Variants in PHTF1 observed in about 807,000 individuals in gnomAD.
The protein encoded by PHTF1 is putative homeodomain transcription factor 1.
In PHTF1, 88 loss-of-function variants were observed where a neutral mutation model predicts 102.4. The ratio of observed to expected loss-of-function variants is 0.86; its 90% confidence interval spans 0.72 to 1.03. The LOEUF is 1.03. Ranked by LOEUF, PHTF1 falls within the 50% of genes least tolerant of loss-of-function variation. PHTF1 has a pLI of 0.00. For missense variants in PHTF1, 814 were observed against 909.5 expected (o/e 0.89, Z 1.35); for synonymous variants, 289 against 305.2 (o/e 0.95, Z 0.55).
upstream of PHTF1, chr1:113,759,574 C>A (rs1487958776): frequency 1.3e-5 from 2 of 152,488 alleles, no homozygotes; most frequent in Admixed American, 1.3e-4. Flanking sequence ...GTGGCTCCGC[C>A]CCTGGCCCGG....
intron 3 of PHTF1, among the ~76,000 whole-genome samples, chr1:113,742,807 A>AT (rs1488953799): frequency 6.6e-6 from 1 of 152,106 alleles, no homozygotes; most frequent in Non-Finnish European, 1.5e-5. Flanking sequence ...TAGGCTACAC[A>AT]TTTTTTAAAA....
Position 113,749,322 on chromosome 1 carries a change from C to A in PHTF1, c.102+8377G>T, listed in dbSNP as rs1437943045. On this transcript the variant is annotated intron_variant, in intron 3 of 18. Coordinates refer to ENST00000369604, the MANE Select transcript of PHTF1 (RefSeq NM_001323043.2). Reference sequence around the variant, plus strand: ...CTGAATGCAAGCTCAGTGTGCAATGCGTGAAGCATTTTGAATAGTGGACCT... The same window carrying A: ...CTGAATGCAAGCTCAGTGTGCAATGAGTGAAGCATTTTGAATAGTGGACCT... Among the ~76,000 whole-genome samples the A allele has an allele frequency of 2.0e-5, 3 of 152,164 alleles. No individual in the cohort carries two copies. In the East Asian group the frequency reaches 5.8e-4, roughly 29 times the overall value.
Position 113,726,834 on chromosome 1 carries a change from A to G in PHTF1, c.332-260T>C, listed in dbSNP as rs115887722. Reference sequence around the variant, plus strand: ...ATTTAGATATTTCAAAAGGGTTTCCACCACAAAAACAACTAGATGCTGTAT... The same window carrying G: ...ATTTAGATATTTCAAAAGGGTTTCCGCCACAAAAACAACTAGATGCTGTAT... On this transcript the variant is annotated intron_variant, in intron 5 of 18. Transcript: ENST00000369604. Among the ~76,000 whole-genome samples, 401 of 152,300 alleles carry G rather than the reference A, an allele frequency of 2.6e-3. 1 individual carries two copies. The highest frequency in any genetic ancestry group is 9.1e-3 in the African/African-American group (378 of 41,562).
chr1:113,756,750 A>G (rs758982229), intron 3 of PHTF1, among the ~76,000 whole-genome samples: 2 of 152,176 alleles, frequency 1.3e-5, no homozygotes. Flanking sequence ...CTCCCCTATT[A>G]TAAGTTAATA....
At chr1:113,756,064 C>G (rs1338055158) in intron 3 of PHTF1, among the ~76,000 whole-genome samples, 1 of 134,350 alleles carries the variant, frequency 7.4e-6, no homozygotes, top group Non-Finnish European at 1.6e-5. Context: ...GAGACTCTGT[C>G]TCAAAAAAAA....
At chr1:113,726,112 G>T (rs1329246112) in intron 6 of PHTF1, among the ~76,000 whole-genome samples, 2 of 152,054 alleles carry the variant, frequency 1.3e-5, no homozygotes, top group Non-Finnish European at 2.9e-5. Flanking sequence ...GATTAAGACT[G>T]AATTTCAAAG....
At chr1:113,698,618 T>TACACACAC (rs766015256) in intron 17 of PHTF1, among the ~76,000 whole-genome samples, 40 of 115,840 alleles carry the variant, frequency 3.5e-4, no homozygotes, top group African/African-American at 9.8e-4. Context: ...TATATATATA[T>TACACACAC]ATACACACAC....
At chr1:113,745,661 T>G (rs144740973) in intron 3 of PHTF1, among the ~76,000 whole-genome samples, 1 of 152,126 alleles carries the variant, frequency 6.6e-6, no homozygotes, top group East Asian at 1.9e-4. Context: ...GTCAGATGAG[T>G]GGCGGCATTA....
intron 11 of PHTF1, 40 bp downstream of exon 11, chr1:113,710,214 C>T: frequency 7.0e-7 from 1 of 1,420,256 alleles, no homozygotes; most frequent in Non-Finnish European, 9.9e-7. Flanking sequence ...ACAGTAAGAA[C>T]ACAATAAATA....
In PHTF1 at chr1:113,713,158, T is replaced by C. The variant is rs573195279; in HGVS notation, c.783+121A>G. On this transcript the variant is annotated intron_variant, in intron 8 of 18. Transcript: ENST00000369604. ...GGTATCTTCTTTTCATATCCTGTGG[T>C]TTTACTTGTTAGGACAAATTTATAA... 1.4e-4 allele frequency: 114 copies of C among 836,946 alleles called. 1 individual carries two copies. In the African/African-American group the frequency reaches 1.7e-3, roughly 13 times the overall value. 51.8% of individuals were successfully genotyped at this position (836,946 alleles called of 1,614,324 possible).
At chr1:113,738,383 G>C in intron 4 of PHTF1, 115 bp from the exon 5 acceptor site, 1 of 682,634 alleles carries the variant, frequency 1.5e-6, no homozygotes, top group South Asian at 2.4e-5. Flanking sequence ...AACCTGTTCA[G>C]TTAAAAAAAA....
chr1:113,754,625 C>T (rs1052537012), intron 3 of PHTF1, among the ~76,000 whole-genome samples: 2 of 151,972 alleles, frequency 1.3e-5, no homozygotes, highest in African/African-American at 4.8e-5. Context: ...CATTGTAAAC[C>T]TTCCTAGTCA....
chr1:113,738,610 T>C (rs1655879655), intron 4 of PHTF1, 120 bp downstream of exon 4: 2 of 668,214 alleles, frequency 3.0e-6, no homozygotes, highest in Admixed American at 2.8e-5. Flanking sequence ...GCCTGAATGA[T>C]GAGAGTAAAG....
At chr1:113,758,348 C>T (rs1315333547) in intron 2 of PHTF1, among the ~76,000 whole-genome samples, 1 of 151,592 alleles carries the variant, frequency 6.6e-6, no homozygotes, top group African/African-American at 2.4e-5. Flanking sequence ...TCAATCTGAG[C>T]TGTGCACATA....
chr1:113,743,506 ACAATT>A (rs1656741637), intron 3 of PHTF1, among the ~76,000 whole-genome samples: 1 of 152,212 alleles, frequency 6.6e-6, no homozygotes, highest in African/African-American at 2.4e-5. Flanking sequence ...CTAAAATTAA[ACAATT>A]CAAAGTATAG....
Position 113,759,075 on chromosome 1 carries a change from C to CG in PHTF1, c.-84dup. ...GCCCGGGACCTCCGTCCTCAGTGCC[C>CG]GGGGTCCCACCGTGAGGCCGGGGGC... On this transcript the variant is annotated 5_prime_UTR_variant, in exon 1 of 19. The change abolishes the stop of an existing upstream ORF in the 5' untranslated region. Transcript: ENST00000369604. 10 of 996,980 alleles carry CG rather than the reference C, an allele frequency of 1.0e-5. No homozygotes were observed. The highest frequency in any genetic ancestry group is 1.2e-5 in the Non-Finnish European group (10 of 837,930). 61.8% of individuals were successfully genotyped at this position (996,980 alleles called of 1,614,324 possible).
intron 18 of PHTF1, 49 bp from the exon 19 acceptor site, chr1:113,697,774 G>A (rs199620052): frequency 7.7e-7 from 1 of 1,295,590 alleles, no homozygotes; most frequent in African/African-American, 1.5e-5. Flanking sequence ...AAAACCAGGT[G>A]GGATTTATAG....
chr1:113,701,232 T>C (rs1381029713), intron 15 of PHTF1, among the ~76,000 whole-genome samples: 2 of 152,198 alleles, frequency 1.3e-5, no homozygotes, highest in East Asian at 1.9e-4. Flanking sequence ...TAACTATCAG[T>C]GTGTCCACTC....
intron 3 of PHTF1, among the ~76,000 whole-genome samples, chr1:113,748,686 G>A (rs570787865): frequency 1.3e-5 from 2 of 151,806 alleles, no homozygotes; most frequent in Non-Finnish European, 2.9e-5. Context: ...GGCATGCAAC[G>A]CCAAGCCCAG....
Sources: allele counts gnomAD v4.1 joint callset (sites outside exome capture counted in the v4.1 genomes callset), GRCh38; gene constraint gnomAD v4.1.1; transcripts MANE v1.5; gene names NCBI Gene and HGNC (gene_info 2026-07-23, HGNC 2026-07-21).